The following UBE2Z variants were observed in gnomAD, a reference collection of about 807,000 sequenced individuals.
UBE2Z encodes ubiquitin-conjugating enzyme E2 Z.
Under a neutral mutation model 32.6 loss-of-function variants are expected in UBE2Z, and 10 were observed. The observed-to-expected ratio is 0.31, with a 90% confidence interval of 0.19 to 0.52. UBE2Z has a LOEUF of 0.52. Among genes scored for constraint, UBE2Z ranks in the 20% least tolerant of loss-of-function variants. UBE2Z has a pLI of 0.97. For missense variants in UBE2Z, 343 were observed against 480.9 expected (o/e 0.71, Z 2.68); for synonymous variants, 183 against 190.8 (o/e 0.96, Z 0.34).
chr17:48,910,972 C>T (rs929390803), intron 2 of UBE2Z, 92 bp downstream of exon 2: 21 of 1,018,792 alleles, frequency 2.1e-5, no homozygotes, highest in Non-Finnish European at 2.8e-5. Context: ...CTCACCTCTC[C>T]GATTACACAG....
intron 4 of UBE2Z, among the ~76,000 whole-genome samples, chr17:48,918,872 A>G (rs1026027335): frequency 1.0e-4 from 15 of 147,582 alleles, no homozygotes; most frequent in African/African-American, 3.5e-4. Flanking sequence ...TCAGCCTCCC[A>G]AGTAGCTGGG....
chr17:48,924,994 C>G (rs185917370), intron 6 of UBE2Z, among the ~76,000 whole-genome samples: 1 of 151,578 alleles, frequency 6.6e-6, no homozygotes, highest in Non-Finnish European at 1.5e-5. Context: ...AAATGGGATA[C>G]TCGTGGGGCC....
intron 1 of UBE2Z, among the ~76,000 whole-genome samples, chr17:48,909,246 C>G (rs978158630): frequency 6.6e-5 from 10 of 151,484 alleles, no homozygotes; most frequent in Non-Finnish European, 1.2e-4. Context: ...GGTCCCCTCT[C>G]TTCTCCTCTG....
intron 6 of UBE2Z, among the ~76,000 whole-genome samples, chr17:48,923,749 T>A (rs1177010205): frequency 2.0e-5 from 3 of 151,000 alleles, no homozygotes; most frequent in African/African-American, 7.3e-5. Flanking sequence ...TTTTTTTTTT[T>A]AAAGGCAGGT....
At chr17:48,915,473 G>A (rs2040712143) in intron 3 of UBE2Z, among the ~76,000 whole-genome samples, 1 of 152,164 alleles carries the variant, frequency 6.6e-6, no homozygotes, top group South Asian at 2.1e-4. Flanking sequence ...AGCAATTTTG[G>A]TATTTGACGT....
intron 1 of UBE2Z, chr17:48,909,088 C>T: frequency 5.3e-6 from 1 of 189,442 alleles, no homozygotes; most frequent in Non-Finnish European, 1.1e-5. Context: ...CGTCTCCATT[C>T]CGGCCACCCT....
At chr17:48,911,842 C>T (rs1318816227) in intron 2 of UBE2Z, 1 of 152,172 alleles carries the variant, frequency 6.6e-6, no homozygotes, top group Admixed American at 6.5e-5. Context: ...GCCAGGAGGG[C>T]AAGGTGGGAA....
chr17:48,926,170 G>A (rs934682115), intron 6 of UBE2Z, among the ~76,000 whole-genome samples: 1 of 152,094 alleles, frequency 6.6e-6, no homozygotes, highest in African/African-American at 2.4e-5. Context: ...GAGTCCCTGG[G>A]GAGGAGTACA....
At chr17:48,909,455 A>G (rs2040659317) in intron 1 of UBE2Z, among the ~76,000 whole-genome samples, 1 of 151,618 alleles carries the variant, frequency 6.6e-6, no homozygotes, top group African/African-American at 2.4e-5. Flanking sequence ...CGCCTCTTCC[A>G]GAAACACAGG....
rs146412229 is a variant in UBE2Z at position 48,918,944 on chromosome 17, G to A, written c.691-2216G>A. Among the ~76,000 whole-genome samples the A allele has an allele frequency of 3.4e-3, 511 of 151,720 alleles. 1 individual carries two copies. The highest frequency in any genetic ancestry group is 6.1e-3 in the Non-Finnish European group (413 of 67,892). ...GTATTTGTAGTAGAGATGGGGTTTC[G>A]CCCTGTTGGCCAGGCTTGTCTTGAA... On this transcript the variant is annotated intron_variant, in intron 4 of 6. Transcript: ENST00000360943.
chr17:48,921,497 AGGG>A (rs1368482815), intron 5 of UBE2Z, among the ~76,000 whole-genome samples: 1 of 152,118 alleles, frequency 6.6e-6, no homozygotes, highest in Admixed American at 6.5e-5. Context: ...CCACACGCTC[AGGG>A]AGCTTCCAGT....
chr17:48,922,109 G>C (rs2040763305), intron 5 of UBE2Z, among the ~76,000 whole-genome samples: 1 of 152,106 alleles, frequency 6.6e-6, no homozygotes, highest in African/African-American at 2.4e-5. Flanking sequence ...GCAGTTAGGT[G>C]TTCCTTTTTC....
At chr17:48,912,748 TG>T in intron 2 of UBE2Z, 85 bp from the exon 3 acceptor site, 1 of 1,432,372 alleles carries the variant, frequency 7.0e-7, no homozygotes, top group South Asian at 1.2e-5. Flanking sequence ...ACTCTGCTTC[TG>T]GTGTGGGTAG....
At position 48,924,285 on chromosome 17, in the gene UBE2Z, T is replaced by C. The variant is rs184926220; in HGVS notation, c.894+1348T>C. ...GCCACTGCACCCAGCCCATAGTGTT[T>C]TGAAGCTAAGATGCGTTCAGCCCTC... is the stretch of plus-strand genomic sequence containing the variant. On this transcript the variant is annotated intron_variant, in intron 6 of 6. Transcript: ENST00000360943. 5.2e-3 allele frequency among the ~76,000 whole-genome samples: 799 copies of C among 152,318 alleles called. 2 individuals are homozygous for C. The highest frequency in any genetic ancestry group is 0.01 in the South Asian group (50 of 4,822).
intron 6 of UBE2Z, 148 bp from the exon 7 acceptor site, chr17:48,926,816 T>C: frequency 1.2e-6 from 1 of 819,568 alleles, no homozygotes; most frequent in Non-Finnish European, 1.9e-6. Context: ...TTATTTTGCC[T>C]GCTGTTTGGG....
intron 6 of UBE2Z, among the ~76,000 whole-genome samples, chr17:48,925,153 C>T (rs28579683): frequency 0.28 from 41,905 of 151,586 alleles, 6,101 homozygotes; most frequent in Admixed American, 0.41. Context: ...TGTAGTGGTG[C>T]GTGCCTGTGG....
chr17:48,910,313 C>T (rs897677478), intron 1 of UBE2Z: 9 of 156,756 alleles, frequency 5.7e-5, no homozygotes, highest in South Asian at 3.7e-4. Flanking sequence ...GTCTTACTCT[C>T]TGCTGGCTGG....
chr17:48,922,356 C>T (rs1024301499), intron 5 of UBE2Z, among the ~76,000 whole-genome samples: 2 of 152,020 alleles, frequency 1.3e-5, no homozygotes, highest in African/African-American at 2.4e-5. Flanking sequence ...CACTGTATTC[C>T]AGCCTGGGCA....
chr17:48,922,896 G>A lies in UBE2Z; in HGVS notation c.853G>A (p.Ala285Thr). The A allele has an allele frequency of 6.2e-7, 1 of 1,612,980 alleles. No homozygotes were observed. The highest frequency in any genetic ancestry group is 8.5e-7 in the Non-Finnish European group (1 of 1,179,350). The stretch of plus-strand genomic sequence containing the variant: ...GGAGTATTACGACTTCTACGAGGTG[G>A]CCTGCAAAGATCGCCTGCACCTTCA... ...FLEYYDFYEV[A>T]CKDRLHLQGQ... Residue 285 changes from alanine to threonine, a missense_variant, in exon 6 of 7, where the codon GCC becomes ACC. Around this residue, in one of 4 missense-constraint regions of UBE2Z, gnomAD observed 182 missense variants for 312.4 expected, o/e 0.58. Transcript: ENST00000360943.
Sources: gnomAD v4.1 joint callset for allele counts (sites outside exome capture counted in the v4.1 genomes callset) on GRCh38, gnomAD v4.1.1 for gene constraint, gnomAD v4.1.1 regional missense constraint, MANE v1.5 for transcripts, NCBI Gene and HGNC (gene_info 2026-07-23, HGNC 2026-07-21) for gene names.